Variants in FAM120C observed in about 807,000 individuals in gnomAD.
The protein encoded by FAM120C is constitutive coactivator of PPAR-gamma-like protein 2.
In FAM120C, 14 loss-of-function variants were observed where a neutral mutation model predicts 71.2. That is an observed-to-expected ratio of 0.20 (90% confidence interval 0.13 to 0.31). FAM120C has a LOEUF of 0.31. FAM120C is among the 10% of genes least tolerant of loss of function. The pLI is 1.00. For synonymous variants in FAM120C, 354 were observed against 353.2 expected (o/e 1.00, Z -0.03); for missense variants, 500 against 879.0 (o/e 0.57, Z 5.45).
intron 1 of FAM120C, among the ~76,000 whole-genome samples, chrX:54,174,765 G>GA (rs1411339581): frequency 8.9e-6 from 1 of 111,760 alleles, no homozygotes; most frequent in Admixed American, 9.5e-5. Flanking sequence ...AAAAGAAAAG[G>GA]AAAAAAATGT....
chrX:54,100,385 C>T (rs1557123985), intron 10 of FAM120C, among the ~76,000 whole-genome samples: 2 of 110,909 alleles, frequency 1.8e-5, no homozygotes, highest in South Asian at 3.8e-4. Context: ...CCCAGCTACT[C>T]GGGAGGCTGA....
intron 10 of FAM120C, among the ~76,000 whole-genome samples, chrX:54,113,627 C>T (rs782712135): frequency 9.3e-6 from 1 of 107,573 alleles, no homozygotes; most frequent in Non-Finnish European, 1.9e-5. Context: ...AATGCCTGCA[C>T]CAGGCCGGGC....
intron 4 of FAM120C, among the ~76,000 whole-genome samples, chrX:54,150,469 A>T (rs1435469614): frequency 1.8e-5 from 2 of 111,960 alleles, no homozygotes; most frequent in African/African-American, 3.2e-5. Flanking sequence ...GATCATGTGT[A>T]CATTTTTAAA....
chrX:54,077,957 T>TC (rs2066743792), intron 15 of FAM120C, among the ~76,000 whole-genome samples: 1 of 93,271 alleles, frequency 1.1e-5, no homozygotes, highest in African/African-American at 3.8e-5. Context: ...TTTTTTTTTT[T>TC]TTTTGAGACG....
intron 9 of FAM120C, among the ~76,000 whole-genome samples, chrX:54,118,710 T>C (rs1289191643): frequency 1.1e-4 from 10 of 90,124 alleles, no homozygotes; most frequent in East Asian, 3.4e-4. Flanking sequence ...TTTTTTTTTT[T>C]TTTTTTTTTT....
At chrX:54,073,378 CTT>C in intron 15 of FAM120C, 91 bp from the exon 16 acceptor site, 1 of 929,767 alleles carries the variant, frequency 1.1e-6, no homozygotes, top group Non-Finnish European at 1.4e-6. Context: ...GAGGAAGCGG[CTT>C]CAGTTCTTCA....
chrX:54,150,757 A>AT (rs1234071365), intron 4 of FAM120C, among the ~76,000 whole-genome samples: 4 of 110,362 alleles, frequency 3.6e-5, no homozygotes, highest in Non-Finnish European at 5.7e-5. Flanking sequence ...TTACCGATTT[A>AT]TTTTTTTTTA....
At chrX:54,160,082 T>G (rs1343779361) in intron 1 of FAM120C, among the ~76,000 whole-genome samples, 4 of 111,513 alleles carry the variant, frequency 3.6e-5, no homozygotes, top group African/African-American at 1.3e-4. Context: ...TATATATTAC[T>G]TTTTACGTCA....
chrX:54,112,584 G>A (rs1383590475), intron 10 of FAM120C, among the ~76,000 whole-genome samples: 4 of 111,381 alleles, frequency 3.6e-5, no homozygotes, highest in Non-Finnish European at 7.5e-5. Flanking sequence ...GCTCATGCCT[G>A]TAATCCCAGC....
rs782142864 is a variant in FAM120C at position 54,163,884 on chromosome X, TTG to T, written c.700-4270_700-4269del. On this transcript the variant is annotated intron_variant, in intron 1 of 15. Transcript: ENST00000375180. Reference sequence around the variant, plus strand: ...CTACCTTGCCCCCCTCCTTTTTATGTTGTGTGTGTGTGTGTGTGTGTGTGTAT... The same window carrying T: ...CTACCTTGCCCCCCTCCTTTTTATGTTGTGTGTGTGTGTGTGTGTGTGTAT... Among the ~76,000 whole-genome samples the T allele has an allele frequency of 4.4e-3, 453 of 102,813 alleles. 3 individuals carry two copies. The highest frequency in any genetic ancestry group is 0.012 in the African/African-American group (322 of 27,797). 89.3% of individuals were successfully genotyped at this position (102,813 alleles called of 115,157 possible). A position where few individuals can be genotyped will look rare whatever the true frequency, so the allele number is the denominator to read the frequency against.
chrX:54,093,366 T>C (rs1603352924), intron 10 of FAM120C, among the ~76,000 whole-genome samples: 1 of 112,139 alleles, frequency 8.9e-6, no homozygotes, highest in East Asian at 2.8e-4. Context: ...ATTTTAGAAG[T>C]TGAACAGATT....
intron 10 of FAM120C, among the ~76,000 whole-genome samples, chrX:54,099,266 T>G (rs1557123819): frequency 9.0e-6 from 1 of 110,855 alleles, no homozygotes; most frequent in Non-Finnish European, 1.9e-5. Context: ...TTTTCACACC[T>G]CGGCCACCCA....
At chrX:54,172,998 T>C (rs781797683) in intron 1 of FAM120C, among the ~76,000 whole-genome samples, 207 of 112,661 alleles carry the variant, frequency 1.8e-3, no homozygotes, top group African/African-American at 6.2e-3. Context: ...CATCGATGTT[T>C]GACATCCTGA....
chrX:54,073,930 A>G (rs930394279), intron 15 of FAM120C, among the ~76,000 whole-genome samples: 2 of 110,495 alleles, frequency 1.8e-5, no homozygotes, highest in Non-Finnish European at 3.8e-5. Flanking sequence ...GGCTCAAGCC[A>G]TCTTCCCACC....
chrX:54,110,209 C>T (rs782221650), intron 10 of FAM120C, among the ~76,000 whole-genome samples: 1 of 107,534 alleles, frequency 9.3e-6, no homozygotes, highest in African/African-American at 3.4e-5. Context: ...AGGATGGTCT[C>T]GATCTCCTGA....
At chrX:54,177,580 T>C (rs1381719750) in intron 1 of FAM120C, among the ~76,000 whole-genome samples, 6 of 111,374 alleles carry the variant, frequency 5.4e-5, no homozygotes, top group Non-Finnish European at 1.1e-4. Context: ...TGGGGAAACA[T>C]AATGAGTTCC....
At chrX:54,080,169 A>C (rs1245137530) in intron 15 of FAM120C, 63 bp downstream of exon 15, 1 of 943,741 alleles carries the variant, frequency 1.1e-6, no homozygotes, top group Non-Finnish European at 1.5e-6. Flanking sequence ...GATCTCTTTT[A>C]GTTTAGCTGA....
At chrX:54,136,661 G>A in intron 4 of FAM120C, 71 bp from the exon 5 acceptor site, 9 of 731,382 alleles carry the variant, frequency 1.2e-5, no homozygotes, top group Non-Finnish European at 1.8e-5. Context: ...TTCATAATTT[G>A]GGAATCAAAA....
chrX:54,142,459 A>G (rs781817286), intron 4 of FAM120C, among the ~76,000 whole-genome samples: 14 of 111,583 alleles, frequency 1.3e-4, no homozygotes, highest in Non-Finnish European at 2.3e-4. Context: ...GGTCCTACAC[A>G]CGGAGCCTTG....
Sources: gnomAD v4.1 joint callset for allele counts (sites outside exome capture counted in the v4.1 genomes callset) on GRCh38, gnomAD v4.1.1 for gene constraint, MANE v1.5 for transcripts, NCBI Gene and HGNC (gene_info 2026-07-23, HGNC 2026-07-21) for gene names.